The following SMIM31 variants were observed in gnomAD, a reference collection of about 807,000 sequenced individuals.
SMIM31 encodes the protein small integral membrane protein 31.
chr4:164,782,371 TCTTTTA>T (rs1276492990), intron 2 of SMIM31, among the ~76,000 whole-genome samples: 2 of 141,036 alleles, frequency 1.4e-5, no homozygotes, highest in African/African-American at 6.3e-5. Context: ...TTTATCTCTT[TCTTTTA>T]TTTTTTTTTT....
rs533580877 is a variant in SMIM31 at position 164,801,524 on chromosome 4, A to G, written c.*330A>G. The G allele has an allele frequency of 5.5e-6, 1 of 182,558 alleles. No homozygotes were observed. The highest frequency in any genetic ancestry group is 1.3e-4 in the East Asian group (1 of 7,682). The allele number at this position is 182,558 out of a possible 1,614,324, so 11.3% of individuals were successfully genotyped here. A position where few individuals can be genotyped will look rare whatever the true frequency, so the allele number is the denominator to read the frequency against. ...CATGTGTTACAATTTGGTAAGATAA[A>G]CAAACAAACAAAAAATTTAATCACT... is the stretch of plus-strand genomic sequence containing the variant. On this transcript the variant is annotated 3_prime_UTR_variant, in exon 3 of 3. Coordinates refer to ENST00000507311, the MANE Select transcript of SMIM31 (RefSeq NM_001352885.1).
intron 2 of SMIM31, among the ~76,000 whole-genome samples, chr4:164,776,816 C>G (rs1236628313): frequency 6.6e-6 from 1 of 152,166 alleles, no homozygotes; most frequent in African/African-American, 2.4e-5. Context: ...ATTTCATGAG[C>G]ATTATACATC....
chr4:164,792,723 A>G lies in SMIM31; in HGVS notation c.113-8368A>G, dbSNP rs548651267. ...ATTCAAAGTTTTCTACAGATTCACCAAAGTTGCTACCAAAATTCAATAACT... is the reference window on the plus strand; with the variant it reads ...ATTCAAAGTTTTCTACAGATTCACCGAAGTTGCTACCAAAATTCAATAACT... On this transcript the variant is annotated intron_variant, in intron 2 of 2. Transcript: ENST00000507311. Among the ~76,000 whole-genome samples the G allele has an allele frequency of 1.3e-4, 20 of 152,318 alleles. No homozygotes were observed. In the East Asian group the frequency reaches 3.9e-3, roughly 29 times the overall value.
intron 2 of SMIM31, among the ~76,000 whole-genome samples, chr4:164,770,976 A>T (rs760558884): frequency 4.6e-4 from 70 of 152,336 alleles, no homozygotes; most frequent in Admixed American, 1.6e-3. Context: ...GGGAAATGAT[A>T]CATTTGGGAA....
Position 164,757,644 on chromosome 4 carries a change from T to G in SMIM31, c.-26+3233T>G, listed in dbSNP as rs147970096. On this transcript the variant is annotated intron_variant, in intron 1 of 2. Coordinates refer to ENST00000507311, the MANE Select transcript of SMIM31 (RefSeq NM_001352885.1). The stretch of plus-strand genomic sequence containing the variant: ...TCCTTTTTTTTTTCCTATAAATGTC[T>G]CATCGTTCCACCACTGTTTTCAAAA... 9.3e-3 allele frequency among the ~76,000 whole-genome samples: 1,419 copies of G among 152,166 alleles called. 29 individuals are homozygous for G. The highest frequency in any genetic ancestry group is 0.033 in the African/African-American group (1,356 of 41,534).
At chr4:164,778,321 C>A (rs4383581) in intron 2 of SMIM31, among the ~76,000 whole-genome samples, 1 of 151,610 alleles carries the variant, frequency 6.6e-6, no homozygotes, top group African/African-American at 2.4e-5. Flanking sequence ...CCCAGGTAAA[C>A]AGATTAAAAA....
intron 1 of SMIM31, among the ~76,000 whole-genome samples, chr4:164,759,745 C>T (rs1407011003): frequency 1.3e-5 from 2 of 152,132 alleles, no homozygotes; most frequent in Non-Finnish European, 2.9e-5. Context: ...GGTACTATTC[C>T]AAGCACTGTT....
chr4:164,761,995 AC>A (rs1428889354), intron 1 of SMIM31, among the ~76,000 whole-genome samples: 2 of 152,172 alleles, frequency 1.3e-5, no homozygotes, highest in African/African-American at 4.8e-5. Context: ...GTTGCCTCCC[AC>A]TTCCAGAGCT....
chr4:164,784,512 A>G (rs1733001488), intron 2 of SMIM31, among the ~76,000 whole-genome samples: 1 of 152,252 alleles, frequency 6.6e-6, no homozygotes, highest in African/African-American at 2.4e-5. Context: ...ATCAGATAGT[A>G]TATAATGAAT....
chr4:164,758,281 AT>A (rs1195634464), intron 1 of SMIM31, among the ~76,000 whole-genome samples: 5 of 152,080 alleles, frequency 3.3e-5, no homozygotes, highest in African/African-American at 1.2e-4. Flanking sequence ...AATTCTTAGG[AT>A]TTTTTACATA....
intron 2 of SMIM31, among the ~76,000 whole-genome samples, chr4:164,781,006 G>T (rs1579068639): frequency 1.3e-5 from 2 of 151,978 alleles, no homozygotes; most frequent in African/African-American, 4.8e-5. Context: ...CAGGGGTCTT[G>T]CTATGTTGCC....
At position 164,792,771 on chromosome 4, in the gene SMIM31, T is replaced by G. The variant is rs185480927; in HGVS notation, c.113-8320T>G. Among the ~76,000 whole-genome samples the G allele has an allele frequency of 1.5e-3, 228 of 152,138 alleles. 2 individuals are homozygous for G. Among genetic ancestry groups the G allele is most frequent in the African/African-American group, 5.4e-3 (224 of 41,514 alleles). On this transcript the variant is annotated intron_variant, in intron 2 of 2. Transcript: ENST00000507311. ...ACTTTTTTTGCAGAAATAAAAAAATTTATCATAAAATTCATATAGAATCTC... is the reference window on the plus strand; with the variant it reads ...ACTTTTTTTGCAGAAATAAAAAAATGTATCATAAAATTCATATAGAATCTC...
intron 2 of SMIM31, chr4:164,787,538 T>C (rs1733041005): frequency 8.3e-6 from 1 of 119,942 alleles, no homozygotes; most frequent in Non-Finnish European, 1.7e-5. Flanking sequence ...AAATAAACAT[T>C]TGGGCTTTTT....
At chr4:164,757,459 T>C (rs1038361194) in intron 1 of SMIM31, among the ~76,000 whole-genome samples, 1 of 152,182 alleles carries the variant, frequency 6.6e-6, no homozygotes, top group Non-Finnish European at 1.5e-5. Flanking sequence ...GGCTATTAAT[T>C]TCCATGTCCT....
Position 164,784,795 on chromosome 4 carries a change from G to C in SMIM31, c.112+14240G>C, listed in dbSNP as rs547988831. 6.6e-5 allele frequency among the ~76,000 whole-genome samples: 10 copies of C among 152,156 alleles called. No homozygotes were observed. In the East Asian group the frequency reaches 1.9e-3, roughly 29 times the overall value. On this transcript the variant is annotated intron_variant, in intron 2 of 2. Transcript: ENST00000507311. ...TAATTATATAAATAGGATGCTTTTG[G>C]AGTGCTGTGTTTGGAAAAGAAGAAA...
intron 2 of SMIM31, among the ~76,000 whole-genome samples, chr4:164,775,970 G>C (rs1159557942): frequency 2.0e-5 from 3 of 152,090 alleles, no homozygotes; most frequent in African/African-American, 7.2e-5. Context: ...TGCAAGGCTG[G>C]TGGCAATTCA....
At chr4:164,798,731 T>C (rs916224137) in intron 2 of SMIM31, among the ~76,000 whole-genome samples, 3 of 132,538 alleles carry the variant, frequency 2.3e-5, no homozygotes, top group Non-Finnish European at 5.3e-5. Flanking sequence ...GGGCATGATA[T>C]TGTTTGGATG....
chr4:164,793,333 T>G (rs144438483), intron 2 of SMIM31, among the ~76,000 whole-genome samples: 22 of 152,322 alleles, frequency 1.4e-4, no homozygotes, highest in African/African-American at 5.1e-4. Flanking sequence ...GTAACAAACC[T>G]GTGTTTGTAA....
At chr4:164,754,850 A>G (rs1732536447) in intron 1 of SMIM31, among the ~76,000 whole-genome samples, 1 of 150,522 alleles carries the variant, frequency 6.6e-6, no homozygotes, top group South Asian at 2.1e-4. Flanking sequence ...TTCAAAGGAA[A>G]TATTTTTAAG....
Sources: allele counts gnomAD v4.1 joint callset (sites outside exome capture counted in the v4.1 genomes callset), GRCh38; gene constraint gnomAD v4.1.1; transcripts MANE v1.5; gene names NCBI Gene and HGNC (gene_info 2026-07-23, HGNC 2026-07-21).